The following GPR158 variants were observed in gnomAD, a reference collection of about 807,000 sequenced individuals.
The protein encoded by GPR158 is metabotropic glycine receptor.
In GPR158, 30 loss-of-function variants were observed where a neutral mutation model predicts 78.2. The ratio of observed to expected loss-of-function variants is 0.38; its 90% CI spans 0.29 to 0.52. The LOEUF is 0.52. Among genes scored for constraint, GPR158 ranks in the 20% least tolerant of loss-of-function variants. The pLI is 0.83. For synonymous variants in GPR158, 581 were observed against 591.1 expected, an observed-to-expected ratio of 0.98 and a Z score of 0.25; for missense variants, 1,463 against 1,523.5, an observed-to-expected ratio of 0.96 and a Z score of 0.66.
chr10:25,589,089 T>C lies in GPR158; in HGVS notation c.1836T>C (p.Tyr612=). ...TVPSAFHEPR[Y]MAVAVHNELI... is the part of the protein sequence containing the mutation. ...CATCGGCATTCCATGAGCCCCGCTATATGGCTGTTGCAGTTCACAATGAGC... is the reference window on the plus strand; with the variant it reads ...CATCGGCATTCCATGAGCCCCGCTACATGGCTGTTGCAGTTCACAATGAGC... The change falls in exon 8 of 11, where the codon TAT becomes TAC. Residue 612 remains tyrosine, a synonymous_variant. Coordinates refer to ENST00000376351, the MANE Select transcript of GPR158 (RefSeq NM_020752.3). 6.2e-7 allele frequency: 1 copy of C among 1,612,514 alleles called. No homozygotes were observed. The highest frequency in any genetic ancestry group is 8.5e-7 in the Non-Finnish European group (1 of 1,178,740).
intron 4 of GPR158, among the ~76,000 whole-genome samples, chr10:25,426,744 G>A (rs765800097): frequency 1.2e-4 from 18 of 152,196 alleles, no homozygotes; most frequent in Middle Eastern, 3.4e-3. Flanking sequence ...TGAAAATGTT[G>A]TGAGAATTAC....
intron 5 of GPR158, among the ~76,000 whole-genome samples, chr10:25,504,933 T>C (rs1279467075): frequency 1.3e-5 from 2 of 152,216 alleles, no homozygotes; most frequent in African/African-American, 2.4e-5. Flanking sequence ...GCATGAGCTC[T>C]AAAGTAATAC....
intron 2 of GPR158, among the ~76,000 whole-genome samples, chr10:25,387,537 AC>A (rs1314014728): frequency 7.6e-6 from 1 of 130,810 alleles, no homozygotes; most frequent in East Asian, 2.1e-4. Context: ...TTTTTTTGAG[AC>A]AGGGTGTTGC....
intron 2 of GPR158, among the ~76,000 whole-genome samples, chr10:25,361,638 G>A (rs117719149): frequency 0.03 from 4,569 of 152,040 alleles, 92 homozygotes; most frequent in Non-Finnish European, 0.045. Flanking sequence ...ACTAATGGAT[G>A]TGAGGTTACA....
At chr10:25,583,170 C>A (rs11014630) in intron 7 of GPR158, among the ~76,000 whole-genome samples, 43,825 of 151,700 alleles carry the variant, frequency 0.29, 6,728 homozygotes, top group East Asian at 0.49. Context: ...AACACATACC[C>A]AGCCTCCATT....
intron 2 of GPR158, among the ~76,000 whole-genome samples, chr10:25,316,923 G>GTA (rs1554793278): frequency 1.0e-5 from 1 of 95,424 alleles, no homozygotes; most frequent in East Asian, 2.1e-4. Context: ...ATGTGTGTGT[G>GTA]TATGTGTGTG....
At chr10:25,581,175 G>A (rs1837193043) in intron 7 of GPR158, among the ~76,000 whole-genome samples, 1 of 151,630 alleles carries the variant, frequency 6.6e-6, no homozygotes. Flanking sequence ...TGATCCACCC[G>A]CCTCGGCCTC....
intron 5 of GPR158, among the ~76,000 whole-genome samples, chr10:25,522,606 C>A (rs925152872): frequency 4.6e-5 from 7 of 152,142 alleles, no homozygotes; most frequent in African/African-American, 1.4e-4. Flanking sequence ...TAAAGACAGA[C>A]CTGTGAGTTG....
intron 7 of GPR158, among the ~76,000 whole-genome samples, chr10:25,580,618 T>C (rs1041727024): frequency 2.0e-5 from 3 of 152,248 alleles, no homozygotes; most frequent in Non-Finnish European, 4.4e-5. Context: ...TTCTCGTATC[T>C]GACAGATTAA....
chr10:25,262,276 G>A (rs992678326), intron 2 of GPR158, among the ~76,000 whole-genome samples: 35 of 152,046 alleles, frequency 2.3e-4, no homozygotes, highest in Non-Finnish European at 5.9e-5. Context: ...GTATACACTT[G>A]GGCAAGTTGG....
Position 25,516,179 on chromosome 10 carries a change from T to C in GPR158, c.1405-34797T>C, listed in dbSNP as rs1470612591. On this transcript the variant is annotated intron_variant, in intron 5 of 10. Coordinates refer to ENST00000376351, the MANE Select transcript of GPR158 (RefSeq NM_020752.3). ...TGCATAAATGTCTTCTTTTGAGAAG[T>C]GTCTGCTCATGTCCTTTGCCCACTT... is the stretch of plus-strand genomic sequence containing the variant. Among the ~76,000 whole-genome samples the C allele has an allele frequency of 9.1e-4, 139 of 152,150 alleles. 2 individuals carry two copies. In the South Asian group the frequency reaches 0.023, roughly 25 times the overall value.
chr10:25,205,309 A>ATT (rs55954118), intron 1 of GPR158, among the ~76,000 whole-genome samples: 3 of 106,716 alleles, frequency 2.8e-5, no homozygotes, highest in Admixed American at 9.0e-5. Flanking sequence ...ATAGTGTTCT[A>ATT]TTTTTTTTTT....
intron 2 of GPR158, among the ~76,000 whole-genome samples, chr10:25,280,287 G>A (rs1042105273): frequency 1.1e-4 from 16 of 152,266 alleles, no homozygotes; most frequent in African/African-American, 3.1e-4. Context: ...AAAAAGATAT[G>A]CCAGGAGAAT....
At chr10:25,198,367 G>T (rs904292933) in intron 1 of GPR158, among the ~76,000 whole-genome samples, 4 of 152,162 alleles carry the variant, frequency 2.6e-5, no homozygotes, top group Admixed American at 1.3e-4. Flanking sequence ...GGACATGTCT[G>T]CTGCAAAGTG....
intron 5 of GPR158, among the ~76,000 whole-genome samples, chr10:25,532,740 T>TA (rs5783940): frequency 0.053 from 7,883 of 147,778 alleles, 256 homozygotes; most frequent in Middle Eastern, 0.074. Flanking sequence ...ACATTTGTTG[T>TA]AAAAAAAAAA....
At chr10:25,537,305 T>A (rs1397023941) in intron 5 of GPR158, among the ~76,000 whole-genome samples, 1 of 152,236 alleles carries the variant, frequency 6.6e-6, no homozygotes, top group African/African-American at 2.4e-5. Flanking sequence ...AGTAATATGA[T>A]ACCTAATAAG....
intron 5 of GPR158, among the ~76,000 whole-genome samples, chr10:25,514,793 A>G (rs1454023738): frequency 6.6e-6 from 1 of 152,174 alleles, no homozygotes; most frequent in East Asian, 1.9e-4. Context: ...GCTGGATACA[A>G]AATTCTTGGC....
rs576561279 is a variant in GPR158, at chr10:25,599,534, A to G, written c.*260A>G. The G allele has an allele frequency of 1.8e-5, 8 of 447,278 alleles. No homozygotes were observed. The East Asian group carries it at 2.1e-4, about 12-fold the overall frequency. The allele number at this position is 447,278 out of a possible 1,614,324, so 27.7% of individuals were successfully genotyped here. ...TTCCATTTCAGCATGTTTAAGGAAAATAGCCCACAATGTCTGCCCTGATCA... is the reference window on the plus strand; with the variant it reads ...TTCCATTTCAGCATGTTTAAGGAAAGTAGCCCACAATGTCTGCCCTGATCA... On this transcript the variant is annotated 3_prime_UTR_variant, in exon 11 of 11. Coordinates refer to ENST00000376351, the MANE Select transcript of GPR158 (RefSeq NM_020752.3).
chr10:25,184,433 A>G (rs1226580071), intron 1 of GPR158, among the ~76,000 whole-genome samples: 1 of 152,222 alleles, frequency 6.6e-6, no homozygotes, highest in East Asian at 1.9e-4. Flanking sequence ...GGCCTGAGCC[A>G]GCACACTCAG....
Sources: allele counts gnomAD v4.1 joint callset (sites outside exome capture counted in the v4.1 genomes callset), GRCh38; gene constraint gnomAD v4.1.1; transcripts MANE v1.5; gene names NCBI Gene and HGNC (gene_info 2026-07-23, HGNC 2026-07-21).